SSBP2: variants seen among roughly 807,000 people sequenced by gnomAD.
The protein encoded by SSBP2 is single-stranded DNA-binding protein 2.
SSBP2 carries 17 observed loss-of-function variants against 61.8 expected under a neutral mutation model. That is an observed-to-expected ratio of 0.28 (90% CI 0.19 to 0.41). The LOEUF is 0.41. Ranked by LOEUF, SSBP2 falls within the 10% of genes least tolerant of loss-of-function variation. The probability of loss-of-function intolerance (pLI) is 1.00; values close to 1 mark genes in which losing one functional copy is unlikely to be tolerated. For synonymous variants in SSBP2, 139 were observed against 141.3 expected (o/e 0.98, Z 0.12); for missense variants, 310 against 458.7 (o/e 0.68, Z 2.96).
chr5:81,607,730 G>T (rs1745017344), intron 4 of SSBP2, among the ~76,000 whole-genome samples: 1 of 152,036 alleles, frequency 6.6e-6, no homozygotes, highest in African/African-American at 2.4e-5. Context: ...ATGAAATTGT[G>T]CCCTACAAAA....
chr5:81,496,838 TAC>T (rs1767324082), intron 5 of SSBP2, among the ~76,000 whole-genome samples: 2 of 152,228 alleles, frequency 1.3e-5, no homozygotes, highest in Admixed American at 1.3e-4. Flanking sequence ...TAACGGCAGA[TAC>T]ACACACTTAT....
At chr5:81,633,565 A>G (rs1471231952) in intron 3 of SSBP2, among the ~76,000 whole-genome samples, 4 of 151,994 alleles carry the variant, frequency 2.6e-5, no homozygotes, top group Admixed American at 2.0e-4. Flanking sequence ...GAGATGAGGT[A>G]TCGCTATGTT....
At chr5:81,686,868 A>AAAAGAAAAG (rs1554112685) in intron 1 of SSBP2, among the ~76,000 whole-genome samples, 1 of 59,468 alleles carries the variant, frequency 1.7e-5, no homozygotes, top group African/African-American at 7.8e-5. Context: ...AAAAAAAAAA[A>AAAAGAAAAG]AAAAGAAAAG....
At chr5:81,699,724 C>T (rs190919014) in intron 1 of SSBP2, among the ~76,000 whole-genome samples, 1 of 152,286 alleles carries the variant, frequency 6.6e-6, no homozygotes, top group East Asian at 1.9e-4. Context: ...TTTTTACTTC[C>T]TCCCATTTGT....
chr5:81,631,991 A>T (rs1747771198), intron 3 of SSBP2, among the ~76,000 whole-genome samples: 1 of 152,150 alleles, frequency 6.6e-6, no homozygotes, highest in African/African-American at 2.4e-5. Flanking sequence ...ATACTGTAGA[A>T]AATTGGGAAG....
At chr5:81,570,854 A>G (rs1773784413) in intron 4 of SSBP2, among the ~76,000 whole-genome samples, 1 of 152,180 alleles carries the variant, frequency 6.6e-6, no homozygotes, top group Non-Finnish European at 1.5e-5. Context: ...TCTGTATTTG[A>G]GTCCTTCTAA....
chr5:81,580,612 T>G (rs561435429), intron 4 of SSBP2, among the ~76,000 whole-genome samples: 55 of 152,268 alleles, frequency 3.6e-4, no homozygotes, highest in African/African-American at 1.2e-3. Flanking sequence ...CATTTCTGTA[T>G]GAAAGAGACA....
chr5:81,722,356 C>T (rs1755593556), intron 1 of SSBP2, among the ~76,000 whole-genome samples: 1 of 151,022 alleles, frequency 6.6e-6, no homozygotes, highest in Non-Finnish European at 1.5e-5. Context: ...CCTTGCTTTC[C>T]AGCTCAAGGT....
intron 8 of SSBP2, among the ~76,000 whole-genome samples, chr5:81,473,462 TA>T (rs1487599996): frequency 1.3e-5 from 2 of 152,132 alleles, no homozygotes; most frequent in Non-Finnish European, 2.9e-5. Flanking sequence ...CCTGTGTTCA[TA>T]AATTCTTGTT....
intron 5 of SSBP2, among the ~76,000 whole-genome samples, chr5:81,513,219 AAATT>A (rs1438418691): frequency 6.6e-6 from 1 of 152,116 alleles, no homozygotes; most frequent in Non-Finnish European, 1.5e-5. Context: ...AATTCTTGAT[AAATT>A]AATAAATTAT....
At chr5:81,526,983 G>C (rs1769993493) in intron 4 of SSBP2, among the ~76,000 whole-genome samples, 2 of 151,392 alleles carry the variant, frequency 1.3e-5, no homozygotes. Flanking sequence ...AAAAAACAAA[G>C]AAAGAAAAAG....
intron 1 of SSBP2, among the ~76,000 whole-genome samples, chr5:81,679,015 A>C (rs1295983152): frequency 3.3e-5 from 5 of 152,104 alleles, no homozygotes; most frequent in Non-Finnish European, 7.4e-5. Context: ...TTTTTTATTT[A>C]TTTATTTATT....
intron 1 of SSBP2, among the ~76,000 whole-genome samples, chr5:81,732,044 TCATCC>T (rs1288999142): frequency 6.6e-6 from 1 of 152,008 alleles, no homozygotes; most frequent in African/African-American, 2.4e-5. Context: ...ACCTCTAATA[TCATCC>T]ACCTATGTTA....
intron 3 of SSBP2, among the ~76,000 whole-genome samples, chr5:81,620,542 C>T (rs1269304732): frequency 2.3e-4 from 23 of 101,904 alleles, no homozygotes; most frequent in South Asian, 4.3e-4. Context: ...AGGTAATTTA[C>T]AGATTCAATG....
intron 4 of SSBP2, among the ~76,000 whole-genome samples, chr5:81,544,290 GCC>G (rs1287201896): frequency 6.6e-6 from 1 of 151,744 alleles, no homozygotes; most frequent in Non-Finnish European, 1.5e-5. Context: ...CTCGTGATCC[GCC>G]CCCCTCAGCC....
At chr5:81,650,484 T>A (rs1197150743) in intron 1 of SSBP2, 145 bp from the exon 2 acceptor site, 1 of 471,598 alleles carries the variant, frequency 2.1e-6, no homozygotes. Context: ...ATAGGAATTA[T>A]TAATAATACA....
intron 2 of SSBP2, among the ~76,000 whole-genome samples, chr5:81,648,172 T>C (rs1040970971): frequency 6.6e-6 from 1 of 152,050 alleles, no homozygotes; most frequent in Non-Finnish European, 1.5e-5. Flanking sequence ...AAGTTGACAG[T>C]GGTTAAGAAT....
chr5:81,736,395 CT>C (rs904582250), intron 1 of SSBP2, among the ~76,000 whole-genome samples: 2 of 152,084 alleles, frequency 1.3e-5, no homozygotes, highest in South Asian at 2.1e-4. Context: ...TGAATTTAAA[CT>C]TTTTTTTAAT....
intron 12 of SSBP2, among the ~76,000 whole-genome samples, chr5:81,444,324 C>A (rs1039291369): frequency 1.3e-5 from 2 of 152,160 alleles, no homozygotes; most frequent in Non-Finnish European, 2.9e-5. Context: ...CTTTCTTCCT[C>A]CAAACACCTT....
Sources: gnomAD v4.1 joint callset for allele counts (sites outside exome capture counted in the v4.1 genomes callset) on GRCh38, gnomAD v4.1.1 for gene constraint, MANE v1.5 for transcripts, NCBI Gene and HGNC (gene_info 2026-07-23, HGNC 2026-07-21) for gene names.